The following CYRIA variants were observed in gnomAD, a reference collection of about 807,000 sequenced individuals.
CYRIA encodes CYFIP-related Rac1 interactor A.
Under a neutral mutation model 43.9 loss-of-function variants are expected in CYRIA, and 15 were observed. That is an observed-to-expected ratio of 0.34 (90% CI 0.23 to 0.53). The LOEUF (loss-of-function observed/expected upper bound fraction) is 0.53, where lower values mean the gene tolerates loss of function less well. CYRIA is among the 20% of genes least tolerant of loss of function. CYRIA has a pLI of 0.94. For synonymous variants in CYRIA, 117 were observed against 136.0 expected (o/e 0.86, Z 0.97); for missense variants, 236 against 394.2 (o/e 0.60, Z 3.40).
At chr2:16,652,986 G>C (rs144628674) in intron 1 of CYRIA, among the ~76,000 whole-genome samples, 30 of 152,112 alleles carry the variant, frequency 2.0e-4, no homozygotes, top group Non-Finnish European at 4.1e-4. Flanking sequence ...ATTTAACTAG[G>C]ACTCTTGGAC....
intron 1 of CYRIA, among the ~76,000 whole-genome samples, chr2:16,634,843 G>A (rs1156664183): frequency 6.6e-6 from 1 of 152,168 alleles, no homozygotes; most frequent in Non-Finnish European, 1.5e-5. Flanking sequence ...AACCAGCCAT[G>A]GTGGAAGTAT....
chr2:16,637,646 T>G (rs2103530373), intron 1 of CYRIA, among the ~76,000 whole-genome samples: 1 of 152,314 alleles, frequency 6.6e-6, no homozygotes, highest in East Asian at 1.9e-4. Context: ...ACAAAATAAT[T>G]TTGCCACATA....
In CYRIA at chr2:16,650,877, C is replaced by T. The variant is rs1669955427; in HGVS notation, c.-167+14903G>A. Among the ~76,000 whole-genome samples the T allele has an allele frequency of 3.3e-5, 5 of 152,284 alleles. No individual in the cohort carries two copies. The South Asian group carries it at 1.0e-3, about 32-fold the overall frequency. On this transcript the variant is annotated intron_variant, in intron 1 of 11. Coordinates refer to ENST00000381323, the MANE Select transcript of CYRIA (RefSeq NM_030797.4). This position sits in a 1 kb window ranked among gnomAD's most constrained non-coding sequence, Gnocchi z 4.1. ...CATGAGTGACTAATTCAATTTTTTG[C>T]TCCTGTTGTTTTAAATTCAAACCTT...
In CYRIA at chr2:16,552,552, A is replaced by G. The variant is rs1385744827; in HGVS notation, c.*384T>C. On this transcript the variant is annotated 3_prime_UTR_variant, in exon 12 of 12. Transcript: ENST00000381323. ...TTGTGTTTCTTGTAGCTGAGCCGAC[A>G]CAGGAAATCAAATATTTTGTGTTTC... The G allele has an allele frequency of 6.2e-6, 1 of 160,220 alleles. No homozygotes were observed. The highest frequency in any genetic ancestry group is 1.4e-5 in the Non-Finnish European group (1 of 73,528). The allele number at this position is 160,220 out of a possible 1,614,324, so 9.9% of individuals were successfully genotyped here. A position where few individuals can be genotyped will look rare whatever the true frequency, so the allele number is the denominator to read the frequency against.
intron 1 of CYRIA, among the ~76,000 whole-genome samples, chr2:16,646,907 G>A (rs1669837140): frequency 6.6e-6 from 1 of 152,190 alleles, no homozygotes; most frequent in Non-Finnish European, 1.5e-5. Context: ...ACTTGAACCA[G>A]ACTTATACCA....
intron 4 of CYRIA, among the ~76,000 whole-genome samples, chr2:16,565,138 AGATTAATGCACTAGAATAAAAGGGGC>A (rs1666880246): frequency 6.6e-6 from 1 of 151,934 alleles, no homozygotes; most frequent in African/African-American, 2.4e-5. Flanking sequence ...CTGTGTGCTC[AGATTAATGCACTAGAATAAAAGGGGC>A]GATTCATGCT....
chr2:16,607,480 G>C (rs1668448498), intron 2 of CYRIA, among the ~76,000 whole-genome samples: 1 of 152,194 alleles, frequency 6.6e-6, no homozygotes, highest in Admixed American at 6.5e-5. Context: ...TATAAGCCTG[G>C]CTTAGAGCTC....
intron 1 of CYRIA, among the ~76,000 whole-genome samples, chr2:16,655,655 G>T (rs955227656): frequency 6.6e-6 from 1 of 152,144 alleles, no homozygotes; most frequent in Non-Finnish European, 1.5e-5. Flanking sequence ...GCCTGATCAC[G>T]CAGGGGCTCA....
intron 3 of CYRIA, among the ~76,000 whole-genome samples, chr2:16,578,015 A>G (rs937456234): frequency 6.6e-6 from 1 of 152,156 alleles, no homozygotes; most frequent in Non-Finnish European, 1.5e-5. Flanking sequence ...GTAAAGAACA[A>G]CTGTCTGCCT....
intron 1 of CYRIA, among the ~76,000 whole-genome samples, chr2:16,665,188 G>C (rs1670357485): frequency 6.6e-6 from 1 of 152,174 alleles, no homozygotes; most frequent in South Asian, 2.1e-4. Context: ...CCAAAGCTCA[G>C]TATTGGAAAA....
At position 16,561,173 on chromosome 2, in the gene CYRIA, G is replaced by C; in HGVS notation, c.618C>G (p.His206Gln). 1 of 1,613,600 alleles carries C rather than the reference G, an allele frequency of 6.2e-7. No homozygotes were observed. The highest frequency in any genetic ancestry group is 1.7e-4 in the Middle Eastern group (1 of 6,052). Reference protein sequence around the residue: ...MLKTLSNATMHFVSENKTLPI... With the variant: ...MLKTLSNATMQFVSENKTLPI... Reference sequence around the variant, plus strand: ...CAACTTCACTTACTTCAGAGACAAAGTGCATTGTGGCATTGCTAAGGGTTT... The same window carrying C: ...CAACTTCACTTACTTCAGAGACAAACTGCATTGTGGCATTGCTAAGGGTTT... Residue 206 changes from histidine (H) to glutamine (Q), a missense_variant, in exon 8 of 12, where the codon CAC (histidine) becomes CAG (glutamine). Physicochemically the swap from His to Gln is conservative, Grantham distance 24. This residue lies in a region of CYRIA where 193 missense variants were observed against 303.9 expected (regional missense o/e 0.64). Transcript: ENST00000381323.
intron 1 of CYRIA, among the ~76,000 whole-genome samples, chr2:16,638,735 G>C (rs201216105): frequency 6.6e-6 from 1 of 152,140 alleles, no homozygotes; most frequent in East Asian, 1.9e-4. Flanking sequence ...ATTTTGCAGA[G>C]ACAGGGTGCT....
intron 2 of CYRIA, among the ~76,000 whole-genome samples, chr2:16,599,784 T>A (rs1281179841): frequency 6.6e-6 from 1 of 151,956 alleles, no homozygotes. Flanking sequence ...TGAGACAGAG[T>A]CTCATTCTGT....
At chr2:16,566,413 A>G (rs528254637) in intron 3 of CYRIA, among the ~76,000 whole-genome samples, 1 of 152,180 alleles carries the variant, frequency 6.6e-6, no homozygotes, top group Non-Finnish European at 1.5e-5. Flanking sequence ...TTGTATTTCT[A>G]TATTTAAAAA....
chr2:16,644,349 A>T (rs556058318), intron 1 of CYRIA, among the ~76,000 whole-genome samples: 1 of 152,264 alleles, frequency 6.6e-6, no homozygotes, highest in African/African-American at 2.4e-5. Flanking sequence ...TTAAGACTGA[A>T]ACTCTTAAGA....
chr2:16,560,193 T>A (rs1666677059), intron 9 of CYRIA, among the ~76,000 whole-genome samples: 1 of 152,166 alleles, frequency 6.6e-6, no homozygotes, highest in Admixed American at 6.5e-5. Context: ...TTTCTTAGCA[T>A]CTATTTCATT....
intron 1 of CYRIA, among the ~76,000 whole-genome samples, chr2:16,643,554 A>G (rs1225433141): frequency 1.3e-5 from 2 of 152,222 alleles, no homozygotes; most frequent in Non-Finnish European, 2.9e-5. Flanking sequence ...GAAACACACT[A>G]AAGTTGGTTA....
chr2:16,598,424 CT>C (rs1357220454), intron 2 of CYRIA, among the ~76,000 whole-genome samples: 1 of 74,372 alleles, frequency 1.3e-5, no homozygotes, highest in Non-Finnish European at 2.3e-5. Context: ...GGAGGCTTTG[CT>C]CATTTCTTTT....
chr2:16,559,320 G>T, intron 10 of CYRIA, 140 bp downstream of exon 10: 2 of 1,013,026 alleles, frequency 2.0e-6, no homozygotes, highest in Non-Finnish European at 2.8e-6. Flanking sequence ...CTTGCTGTGA[G>T]GACAGCTGCC....
Sources: allele counts gnomAD v4.1 joint callset (sites outside exome capture counted in the v4.1 genomes callset), GRCh38; gene constraint gnomAD v4.1.1; regional missense constraint gnomAD v4.1.1; non-coding constraint Gnocchi (gnomAD v3.1); transcripts MANE v1.5; gene names NCBI Gene and HGNC (gene_info 2026-07-23, HGNC 2026-07-21).